Variants in SCAPER observed in about 807,000 individuals in gnomAD.
SCAPER encodes S phase cyclin A-associated protein in the endoplasmic reticulum.
A neutral mutation model predicts 182.2 loss-of-function variants in SCAPER; 98 were observed. That is an observed-to-expected ratio of 0.54 (90% CI 0.46 to 0.64). SCAPER has a LOEUF of 0.64. Ranked by LOEUF, SCAPER falls within the 30% of genes least tolerant of loss-of-function variation. The pLI is 0.00. For missense variants in SCAPER, 1,432 were observed against 1,690.0 expected (o/e 0.85, Z 2.68); for synonymous variants, 605 against 564.6 (o/e 1.07, Z -1.01).
chr15:76,468,651 G>T (rs2049881001), intron 25 of SCAPER, among the ~76,000 whole-genome samples: 1 of 152,084 alleles, frequency 6.6e-6, no homozygotes, highest in African/African-American at 2.4e-5. Context: ...TCTCAGGGAG[G>T]ATCACTGAAT....
intron 26 of SCAPER, among the ~76,000 whole-genome samples, chr15:76,429,817 C>T (rs762957338): frequency 2.6e-5 from 4 of 152,182 alleles, no homozygotes; most frequent in Admixed American, 6.6e-5. Context: ...CAGAAATTTG[C>T]ATAAGTAACA....
intron 9 of SCAPER, 43 bp downstream of exon 9, chr15:76,774,812 C>T (rs543044824): frequency 5.4e-5 from 84 of 1,561,072 alleles, no homozygotes; most frequent in Non-Finnish European, 7.1e-5. Context: ...TGTACACATA[C>T]ACCTTTGAAA....
intron 1 of SCAPER, among the ~76,000 whole-genome samples, chr15:76,904,152 G>A (rs538730821): frequency 6.6e-6 from 1 of 152,096 alleles, no homozygotes; most frequent in African/African-American, 2.4e-5. Context: ...AGGCCAGAGT[G>A]GGACAGTGGT....
intron 25 of SCAPER, among the ~76,000 whole-genome samples, chr15:76,457,001 G>A (rs536839744): frequency 1.3e-5 from 2 of 151,104 alleles, no homozygotes; most frequent in Admixed American, 1.3e-4. Context: ...TGTAGATAGA[G>A]CACATGGTTA....
chr15:76,564,156 T>C (rs1464454290), intron 23 of SCAPER, among the ~76,000 whole-genome samples: 4 of 152,114 alleles, frequency 2.6e-5, no homozygotes, highest in Non-Finnish European at 5.9e-5. Flanking sequence ...GTATTGGAAG[T>C]CCTGGCCAGG....
chr15:76,697,113 G>A (rs533582487), intron 20 of SCAPER, among the ~76,000 whole-genome samples: 1 of 152,102 alleles, frequency 6.6e-6, no homozygotes, highest in South Asian at 2.1e-4. Flanking sequence ...AAAGAAGAAA[G>A]GTCACAGACA....
chr15:76,842,068 T>C, intron 4 of SCAPER, 137 bp from the exon 5 acceptor site: 2 of 682,624 alleles, frequency 2.9e-6, no homozygotes, highest in Non-Finnish European at 4.8e-6. Context: ...ATGTATGGAC[T>C]TTTTTCCTAT....
intron 27 of SCAPER, among the ~76,000 whole-genome samples, chr15:76,381,982 C>T (rs1303735167): frequency 6.6e-6 from 1 of 152,184 alleles, no homozygotes; most frequent in Non-Finnish European, 1.5e-5. Flanking sequence ...CAAAAACACT[C>T]CTAGCTTCCT....
At chr15:76,760,259 T>C (rs1435321224) in intron 14 of SCAPER, among the ~76,000 whole-genome samples, 1 of 152,158 alleles carries the variant, frequency 6.6e-6, no homozygotes, top group Non-Finnish European at 1.5e-5. Context: ...AGCTATAAAA[T>C]TGGGGTTCTC....
At chr15:76,507,513 A>G (rs1281633556) in intron 23 of SCAPER, among the ~76,000 whole-genome samples, 1 of 152,014 alleles carries the variant, frequency 6.6e-6, no homozygotes, top group African/African-American at 2.4e-5. Flanking sequence ...TGAAATACTG[A>G]GGTTTTTTTT....
At chr15:76,438,509 G>A (rs1596619166) in intron 25 of SCAPER, among the ~76,000 whole-genome samples, 1 of 152,128 alleles carries the variant, frequency 6.6e-6, no homozygotes, top group Non-Finnish European at 1.5e-5. Flanking sequence ...TTGATTTTCT[G>A]TCTCACTGGG....
chr15:76,669,484 C>A (rs2056862274), intron 20 of SCAPER, among the ~76,000 whole-genome samples: 1 of 152,132 alleles, frequency 6.6e-6, no homozygotes, highest in Non-Finnish European at 1.5e-5. Context: ...ACATATGGAA[C>A]AAAGCAAGTC....
intron 15 of SCAPER, among the ~76,000 whole-genome samples, chr15:76,742,480 A>G (rs1219688239): frequency 3.4e-5 from 5 of 146,378 alleles, no homozygotes; most frequent in Non-Finnish European, 7.5e-5. Context: ...AAAAAAAAAA[A>G]AAAAAAAAAA....
chr15:76,866,488 TAC>T (rs1419185368), intron 2 of SCAPER, among the ~76,000 whole-genome samples: 1 of 152,184 alleles, frequency 6.6e-6, no homozygotes, highest in Non-Finnish European at 1.5e-5. Flanking sequence ...TTAGTACATA[TAC>T]ACAGACACAC....
At chr15:76,683,759 G>A (rs1174435366) in intron 20 of SCAPER, among the ~76,000 whole-genome samples, 2 of 151,660 alleles carry the variant, frequency 1.3e-5, no homozygotes, top group African/African-American at 2.4e-5. Flanking sequence ...GGGGTGGGGG[G>A]GTCTACATTC....
chr15:76,733,478 G>A, intron 15 of SCAPER, 94 bp from the exon 16 acceptor site: 2 of 1,425,542 alleles, frequency 1.4e-6, no homozygotes, highest in Non-Finnish European at 1.9e-6. Context: ...GCTGGGCGTG[G>A]TGGTTCACGC....
chr15:76,563,220 C>T (rs1457907986), intron 23 of SCAPER, among the ~76,000 whole-genome samples: 2 of 152,046 alleles, frequency 1.3e-5, no homozygotes, highest in Non-Finnish European at 2.9e-5. Context: ...AGGTTTTTGC[C>T]TTCATAGTTT....
At chr15:76,833,744 A>G (rs1264998212) in intron 5 of SCAPER, among the ~76,000 whole-genome samples, 1 of 152,158 alleles carries the variant, frequency 6.6e-6, no homozygotes, top group African/African-American at 2.4e-5. Flanking sequence ...TCAACCAACC[A>G]TGATCAAAAA....
At chr15:76,400,559 T>C (rs566247490) in intron 27 of SCAPER, among the ~76,000 whole-genome samples, 1 of 152,290 alleles carries the variant, frequency 6.6e-6, no homozygotes, top group African/African-American at 2.4e-5. Context: ...ATTCCTGTGG[T>C]CTGGTGGTGT....
Sources: allele counts gnomAD v4.1 joint callset (sites outside exome capture counted in the v4.1 genomes callset), GRCh38; gene constraint gnomAD v4.1.1; transcripts MANE v1.5; gene names NCBI Gene and HGNC (gene_info 2026-07-23, HGNC 2026-07-21).